Variants in TRIO observed in about 807,000 individuals in gnomAD.
The protein encoded by TRIO is triple functional domain protein.
Under a neutral mutation model 351.9 loss-of-function variants are expected in TRIO, and 58 were observed. The ratio of observed to expected loss-of-function variants is 0.16; its 90% CI spans 0.13 to 0.21. The LOEUF (loss-of-function observed/expected upper bound fraction) is 0.21, where lower values mean the gene tolerates loss of function less well. Among genes scored for constraint, TRIO ranks in the 10% least tolerant of loss-of-function variants. The pLI is 1.00. For synonymous variants in TRIO, 1,758 were observed against 1,595.7 expected (o/e 1.10, Z -2.42); for missense variants, 3,201 against 4,027.8 (o/e 0.79, Z 5.56).
intron 34 of TRIO, among the ~76,000 whole-genome samples, chr5:14,435,356 C>T (rs1751496274): frequency 6.6e-6 from 1 of 152,192 alleles, no homozygotes. Context: ...GAGGCTCCAC[C>T]ACAATGTGCA....
At chr5:14,156,000 AG>A (rs780467413) in intron 1 of TRIO, among the ~76,000 whole-genome samples, 32 of 152,190 alleles carry the variant, frequency 2.1e-4, no homozygotes, top group Non-Finnish European at 3.8e-4. Flanking sequence ...TTGTACTATA[AG>A]GAAGAGCTTT....
chr5:14,291,159 G>A lies in TRIO; in HGVS notation c.984G>A (p.Met328Ile), dbSNP rs1370527119. The A allele has an allele frequency of 6.2e-7, 1 of 1,614,212 alleles. No homozygotes were observed. The highest frequency in any genetic ancestry group is 8.5e-7 in the Non-Finnish European group (1 of 1,180,028). Residue 328 changes from methionine (M) to isoleucine (I), a missense_variant, in exon 5 of 57, where the codon ATG becomes ATA. Around this residue, in one of 19 missense-constraint regions of TRIO, gnomAD observed 349 missense variants for 449.3 expected, o/e 0.78. Transcript: ENST00000344204. Reference sequence around the variant, plus strand: ...CGACACGGCAGCATCTGCACCAGATGTGGCATGTGAGGAAGCTGAAGCTGG... The same window carrying A: ...CGACACGGCAGCATCTGCACCAGATATGGCATGTGAGGAAGCTGAAGCTGG... ...LHSTRQHLHQMWHVRKLKLDQ... is the reference protein window; with the variant it reads ...LHSTRQHLHQIWHVRKLKLDQ...
chr5:14,411,033 A>G lies in TRIO; in HGVS notation c.4959+4361A>G, dbSNP rs2152383830. Among the ~76,000 whole-genome samples, 2 of 152,328 alleles carry G rather than the reference A, an allele frequency of 1.3e-5. 1 individual carries two copies. Among genetic ancestry groups the G allele is most frequent in the Admixed American group, 1.3e-4 (2 of 15,298 alleles). ...GAAATCAAGCGCTTTCCAGATTCTT[A>G]TCTCATCTGTCCTGAGTGCATCTCC... On this transcript the variant is annotated intron_variant, in intron 33 of 56. Transcript: ENST00000344204.
At chr5:14,148,764 C>T (rs954342815) in intron 1 of TRIO, among the ~76,000 whole-genome samples, 6 of 152,190 alleles carry the variant, frequency 3.9e-5, no homozygotes, top group African/African-American at 1.2e-4. Context: ...TACTCAGCTG[C>T]GTAGACTTGG....
At chr5:14,461,984 C>T (rs532747267) in intron 35 of TRIO, among the ~76,000 whole-genome samples, 1 of 152,272 alleles carries the variant, frequency 6.6e-6, no homozygotes, top group African/African-American at 2.4e-5. Flanking sequence ...AACAGAATTC[C>T]TTCAGGATGC....
intron 1 of TRIO, among the ~76,000 whole-genome samples, chr5:14,182,099 AT>A (rs61476674): frequency 0.043 from 6,526 of 150,794 alleles, 435 homozygotes; most frequent in African/African-American, 0.14. Context: ...TTTGAAGGGC[AT>A]TTTTTTTTTT....
At chr5:14,349,143 G>T (rs1006385555) in intron 11 of TRIO, among the ~76,000 whole-genome samples, 2 of 144,542 alleles carry the variant, frequency 1.4e-5, no homozygotes, top group African/African-American at 2.6e-5. Context: ...TTTTTCCTGC[G>T]TGTTTGTGGG....
chr5:14,244,118 G>A (rs1230103015), intron 1 of TRIO, among the ~76,000 whole-genome samples: 1 of 152,206 alleles, frequency 6.6e-6, no homozygotes, highest in African/African-American at 2.4e-5. Context: ...TGAGGTCTTT[G>A]GGTAGCACAC....
At chr5:14,424,698 C>T (rs1750493353) in intron 34 of TRIO, among the ~76,000 whole-genome samples, 1 of 152,176 alleles carries the variant, frequency 6.6e-6, no homozygotes, top group Non-Finnish European at 1.5e-5. Context: ...AGAGAAGACG[C>T]AGGGACTGTC....
chr5:14,359,885 C>T (rs1743983186), intron 13 of TRIO, among the ~76,000 whole-genome samples: 1 of 152,206 alleles, frequency 6.6e-6, no homozygotes, highest in Non-Finnish European at 1.5e-5. Context: ...ACACAGCACT[C>T]CCTTGTCCTC....
chr5:14,347,921 T>C (rs1742581864), intron 11 of TRIO, among the ~76,000 whole-genome samples: 1 of 152,240 alleles, frequency 6.6e-6, no homozygotes, highest in Admixed American at 6.5e-5. Flanking sequence ...AGTTTTAATA[T>C]ATGAGTGTTT....
intron 53 of TRIO, 101 bp downstream of exon 53, chr5:14,498,741 AAGAT>A (rs1579839294): frequency 6.6e-7 from 1 of 1,524,490 alleles, no homozygotes; most frequent in East Asian, 2.3e-5. Context: ...AGTGGCCTGA[AAGAT>A]AGAACAATAA....
At chr5:14,203,290 T>C (rs908384696) in intron 1 of TRIO, among the ~76,000 whole-genome samples, 4 of 152,232 alleles carry the variant, frequency 2.6e-5, no homozygotes, top group African/African-American at 9.6e-5. Flanking sequence ...AGTGTTCCTG[T>C]GGAATAAGTC....
intron 54 of TRIO, among the ~76,000 whole-genome samples, 193 bp from the exon 55 acceptor site, chr5:14,504,200 G>A (rs1757493265): frequency 6.6e-6 from 1 of 152,224 alleles, no homozygotes; most frequent in African/African-American, 2.4e-5. Context: ...CAGCAGAACC[G>A]CGTGGCTGCG....
Position 14,487,783 on chromosome 5 carries a change from C to G in TRIO, c.7155C>G (p.Ala2385=). Reference sequence around the variant, plus strand: ...CTCCCCCTGGCGCGGCCCCCGAGGCCGGCCCCAGCGCGCCCAGCAGGCGGC... The same window carrying G: ...CTCCCCCTGGCGCGGCCCCCGAGGCGGGCCCCAGCGCGCCCAGCAGGCGGC... ...SLPPPGAAPE[A]GPSAPSRRPP... Residue 2385 remains alanine (A), a synonymous_variant, in exon 48 of 57, where the codon GCC becomes GCG. Coordinates refer to ENST00000344204, the MANE Select transcript of TRIO (RefSeq NM_007118.4). 7.3e-7 allele frequency: 1 copy of G among 1,375,832 alleles called. No homozygotes were observed. Among genetic ancestry groups the G allele is most frequent in the South Asian group, 1.6e-5 (1 of 60,672 alleles). The allele number at this position is 1,375,832 out of a possible 1,614,324, so 85.2% of individuals were successfully genotyped here.
chr5:14,326,726 A>T (rs11749395), intron 9 of TRIO, among the ~76,000 whole-genome samples: 2,432 of 152,336 alleles, frequency 0.016, 32 homozygotes, highest in Non-Finnish European at 0.028. Context: ...GCTGGACTGG[A>T]TAGATAAAGG....
At chr5:14,428,923 A>G (rs1750867098) in intron 34 of TRIO, among the ~76,000 whole-genome samples, 1 of 152,182 alleles carries the variant, frequency 6.6e-6, no homozygotes, top group African/African-American at 2.4e-5. Flanking sequence ...CCAGGCCGCC[A>G]CGTCCTCTCC....
In TRIO at chr5:14,482,695, G is replaced by T. The variant is rs1755616218; in HGVS notation, c.6579G>T (p.Gln2193His). Residue 2193 changes from glutamine (Q) to histidine (H), a missense_variant, in exon 46 of 57, where the codon CAG becomes CAT. Coordinates refer to ENST00000344204, the MANE Select transcript of TRIO (RefSeq NM_007118.4). Reference protein sequence around the residue: ...CRERRIFLFEQIVIFSEPLDK... With the variant: ...CRERRIFLFEHIVIFSEPLDK... ...AGAGGCGCATCTTCCTCTTTGAGCA[G>T]ATCGTCATATTCAGCGAACCACTTG... is the stretch of plus-strand genomic sequence containing the variant. 6.2e-7 allele frequency: 1 copy of T among 1,611,962 alleles called. No homozygotes were observed. Among genetic ancestry groups the T allele is most frequent in the Admixed American group, 1.7e-5 (1 of 59,850 alleles).
intron 1 of TRIO, among the ~76,000 whole-genome samples, chr5:14,251,814 A>G (rs376424372): frequency 1.3e-5 from 2 of 152,186 alleles, no homozygotes; most frequent in African/African-American, 2.4e-5. Context: ...AACAGAAGCC[A>G]TGGGATCAGG....
Sources: allele counts gnomAD v4.1 joint callset (sites outside exome capture counted in the v4.1 genomes callset), GRCh38; gene constraint gnomAD v4.1.1; regional missense constraint gnomAD v4.1.1; transcripts MANE v1.5; gene names NCBI Gene and HGNC (gene_info 2026-07-23, HGNC 2026-07-21).